The following GALNT10 variants were observed in gnomAD, a reference collection of about 807,000 sequenced individuals.
The protein encoded by GALNT10 is polypeptide N-acetylgalactosaminyltransferase 10, also known as GalNAc transferase 10.
GALNT10 carries 41 observed loss-of-function variants against 75.0 expected under a neutral mutation model. The ratio of observed to expected loss-of-function variants is 0.55; its 90% CI spans 0.43 to 0.71. GALNT10 has a LOEUF of 0.71. GALNT10 is among the 30% of genes least tolerant of loss of function. The pLI, the probability that GALNT10 is intolerant of heterozygous loss-of-function variation, is 0.00. For missense variants in GALNT10, 727 were observed against 818.5 expected (o/e 0.89, Z 1.36); for synonymous variants, 302 against 313.0 (o/e 0.96, Z 0.37).
At chr5:154,414,130 G>C (rs1296355847) in intron 10 of GALNT10, among the ~76,000 whole-genome samples, 1 of 152,238 alleles carries the variant, frequency 6.6e-6, no homozygotes, top group East Asian at 1.9e-4. Context: ...CCACACTGAA[G>C]ATTGGCAAAG....
chr5:154,219,838 T>TCTCTCTCTCACA (rs1491445463), intron 1 of GALNT10, among the ~76,000 whole-genome samples: 38 of 125,664 alleles, frequency 3.0e-4, no homozygotes, highest in African/African-American at 8.9e-4. Flanking sequence ...TCTCTCTCTC[T>TCTCTCTCTCACA]CACACACACA....
At chr5:154,395,538 G>C (rs192984002) in intron 7 of GALNT10, among the ~76,000 whole-genome samples, 126 of 152,344 alleles carry the variant, frequency 8.3e-4, no homozygotes, top group Non-Finnish European at 1.6e-3. Context: ...GCATGGTTGT[G>C]GTTATTGTGA....
intron 1 of GALNT10, among the ~76,000 whole-genome samples, chr5:154,280,013 T>G (rs1487802791): frequency 6.6e-6 from 1 of 152,036 alleles, no homozygotes; most frequent in Non-Finnish European, 1.5e-5. Context: ...CACCTAAGTA[T>G]CCATCAGCAG....
intron 8 of GALNT10, among the ~76,000 whole-genome samples, chr5:154,408,936 T>C (rs13162143): frequency 0.32 from 49,153 of 151,928 alleles, 8,571 homozygotes; most frequent in Non-Finnish European, 0.4. Context: ...CATTCCTGGA[T>C]CCAGCCCTCC....
chr5:154,299,644 A>G (rs1448919940), intron 3 of GALNT10, among the ~76,000 whole-genome samples: 1 of 152,168 alleles, frequency 6.6e-6, no homozygotes, highest in African/African-American at 2.4e-5. Flanking sequence ...TTTAGTTCCT[A>G]CAACAATACT....
rs1330075918 is a variant in GALNT10 at position 154,402,575 on chromosome 5, G to A, written c.1057-1529G>A. On this transcript the variant is annotated intron_variant, in intron 7 of 11. Transcript: ENST00000297107. The surrounding 1 kb of genome is among the most constrained non-coding windows in gnomAD (Gnocchi z 4.2). ...CACAATACACAGTTATGATGGCAGC[G>A]CTTCCCTAGGCCAGGGATTTGGGAG... 6.6e-6 allele frequency among the ~76,000 whole-genome samples: 1 copy of A among 152,186 alleles called. No homozygotes were observed. The highest frequency in any genetic ancestry group is 1.5e-5 in the Non-Finnish European group (1 of 68,036).
intron 1 of GALNT10, among the ~76,000 whole-genome samples, chr5:154,257,123 A>G (rs952772127): frequency 1.3e-5 from 2 of 152,158 alleles, no homozygotes; most frequent in African/African-American, 4.8e-5. Flanking sequence ...AAAATAAAAA[A>G]TAAATGAAAA....
intron 8 of GALNT10, 89 bp downstream of exon 8, chr5:154,404,300 A>G (rs1756228437): frequency 4.5e-6 from 3 of 665,180 alleles, no homozygotes; most frequent in Non-Finnish European, 5.2e-6. Flanking sequence ...AGACTGTGTT[A>G]TGTGATCTCT....
At position 154,231,352 on chromosome 5, in the gene GALNT10, G is replaced by A. The variant is rs138354340; in HGVS notation, c.159+40327G>A. The stretch of plus-strand genomic sequence containing the variant: ...CACAGAACACAAAGCTGATAACATC[G>A]TCTCTTCCCAACACCACTTTTTTGG... On this transcript the variant is annotated intron_variant, in intron 1 of 11. Coordinates refer to ENST00000297107, the MANE Select transcript of GALNT10 (RefSeq NM_198321.4). 3.7e-3 allele frequency among the ~76,000 whole-genome samples: 565 copies of A among 152,226 alleles called. 8 individuals are homozygous for A. Among genetic ancestry groups the A allele is most frequent in the African/African-American group, 0.013 (534 of 41,512 alleles).
At chr5:154,324,093 T>C (rs1306133618) in intron 3 of GALNT10, among the ~76,000 whole-genome samples, 1 of 152,242 alleles carries the variant, frequency 6.6e-6, no homozygotes, top group Non-Finnish European at 1.5e-5. Flanking sequence ...CTACTGTTTC[T>C]AGTTGTGTGA....
chr5:154,359,553 G>A (rs73804448), intron 4 of GALNT10, among the ~76,000 whole-genome samples: 4 of 76,750 alleles, frequency 5.2e-5, no homozygotes, highest in African/African-American at 1.5e-4. Flanking sequence ...AAAAAAAAAA[G>A]AGAGAGAGAG....
intron 1 of GALNT10, among the ~76,000 whole-genome samples, chr5:154,268,192 TA>T (rs1753804260): frequency 6.6e-6 from 1 of 152,212 alleles, no homozygotes; most frequent in Admixed American, 6.5e-5. Flanking sequence ...AAGCACCTTG[TA>T]AGGGAGCAAG....
intron 1 of GALNT10, among the ~76,000 whole-genome samples, chr5:154,230,216 C>A (rs895689108): frequency 6.6e-6 from 1 of 152,132 alleles, no homozygotes; most frequent in Non-Finnish European, 1.5e-5. Context: ...CAGGTAGGTA[C>A]CTTATGTGAT....
chr5:154,391,182 T>C (rs1002007421), intron 7 of GALNT10, among the ~76,000 whole-genome samples: 1 of 152,220 alleles, frequency 6.6e-6, no homozygotes, highest in African/African-American at 2.4e-5. Context: ...AGCGCCCTGC[T>C]GGAATGCAGG....
rs543460475 is a variant in GALNT10, at chr5:154,301,542, T to A, written c.401+3463T>A. On this transcript the variant is annotated intron_variant, in intron 3 of 11. Transcript: ENST00000297107. ...TTATCATTTCTTTTACCACTAGATC[T>A]TGTTGCTTCTTGTTTTTTTGTTTTT... Among the ~76,000 whole-genome samples, 4 of 151,270 alleles carry A rather than the reference T, an allele frequency of 2.6e-5. No homozygotes were observed. The East Asian group carries it at 7.7e-4, about 29-fold the overall frequency.
chr5:154,268,200 C>A (rs540341425), intron 1 of GALNT10, among the ~76,000 whole-genome samples: 1 of 152,170 alleles, frequency 6.6e-6, no homozygotes, highest in African/African-American at 2.4e-5. Context: ...TGTAAGGGAG[C>A]AAGTCCCTAC....
At position 154,402,648 on chromosome 5, in the gene GALNT10, C is replaced by A. The variant is rs1182926682; in HGVS notation, c.1057-1456C>A. 6.6e-6 allele frequency: 1 copy of A among 152,176 alleles called. No individual in the cohort carries two copies. Among genetic ancestry groups the A allele is most frequent in the Non-Finnish European group, 1.5e-5 (1 of 68,042 alleles). 9.4% of individuals were successfully genotyped at this position (152,176 alleles called of 1,614,324 possible). On this transcript the variant is annotated intron_variant, in intron 7 of 11. Coordinates refer to ENST00000297107, the MANE Select transcript of GALNT10 (RefSeq NM_198321.4). The surrounding 1 kb of genome is among the most constrained non-coding windows in gnomAD (Gnocchi z 4.2). ...CTTGGGTCTCGCATAGGAGAATAGT[C>A]AGGCCATGAGCCAGGGCCGCAGTCA...
intron 1 of GALNT10, among the ~76,000 whole-genome samples, chr5:154,290,150 T>A (rs929186112): frequency 9.3e-5 from 14 of 150,964 alleles, no homozygotes; most frequent in African/African-American, 3.4e-4. Flanking sequence ...GGAGTGCAGT[T>A]GCACAATCGC....
intron 1 of GALNT10, among the ~76,000 whole-genome samples, chr5:154,249,176 G>A (rs1485088569): frequency 6.6e-6 from 1 of 152,140 alleles, no homozygotes; most frequent in Non-Finnish European, 1.5e-5. Flanking sequence ...GTCTAGTCTT[G>A]ACGTGCATTT....
Sources: gnomAD v4.1 joint callset for allele counts (sites outside exome capture counted in the v4.1 genomes callset) on GRCh38, gnomAD v4.1.1 for gene constraint, Gnocchi (gnomAD v3.1) non-coding constraint, MANE v1.5 for transcripts, NCBI Gene and HGNC (gene_info 2026-07-23, HGNC 2026-07-21) for gene names.